VCL: variants seen among roughly 807,000 people sequenced by gnomAD.
VCL encodes the protein epididymis luminal protein 114.
In VCL, 47 loss-of-function variants were observed where a neutral mutation model predicts 125.7. The ratio of observed to expected loss-of-function variants is 0.37; its 90% confidence interval spans 0.30 to 0.48. VCL has a LOEUF of 0.48. Among genes scored for constraint, VCL ranks in the 20% least tolerant of loss-of-function variants. The pLI is 0.99. For synonymous variants in VCL, 458 were observed against 514.6 expected, an observed-to-expected ratio of 0.89 and a Z score of 1.49; for missense variants, 1,069 against 1,455.5, an observed-to-expected ratio of 0.73 and a Z score of 4.32.
intron 2 of VCL, among the ~76,000 whole-genome samples, chr10:74,069,050 TTTTG>T (rs1374865914): frequency 2.0e-5 from 3 of 152,036 alleles, no homozygotes; most frequent in Non-Finnish European, 2.9e-5. Context: ...ATGTTTTTTT[TTTTG>T]TTTGTTTGTT....
chr10:74,023,194 G>T (rs1840705117), intron 1 of VCL, among the ~76,000 whole-genome samples: 1 of 152,176 alleles, frequency 6.6e-6, no homozygotes, highest in African/African-American at 2.4e-5. Flanking sequence ...CATATGTGAT[G>T]ATGGTACCAT....
intron 2 of VCL, among the ~76,000 whole-genome samples, chr10:74,051,966 A>T (rs1841307613): frequency 6.6e-6 from 1 of 152,176 alleles, no homozygotes; most frequent in Non-Finnish European, 1.5e-5. Context: ...GCGTGCCCAG[A>T]GTAGCAGCTC....
intron 2 of VCL, among the ~76,000 whole-genome samples, chr10:74,049,120 A>G (rs1841250728): frequency 6.6e-6 from 1 of 152,050 alleles, no homozygotes; most frequent in South Asian, 2.1e-4. Context: ...AAAACAAACA[A>G]ACAAACAAAC....
At chr10:74,092,011 T>G (rs1839897346) in intron 10 of VCL, among the ~76,000 whole-genome samples, 1 of 151,808 alleles carries the variant, frequency 6.6e-6, no homozygotes, top group Non-Finnish European at 1.5e-5. Context: ...CAAGTTCAAG[T>G]GATTCTCCTG....
chr10:73,998,435 C>T, intron 1 of VCL, 60 bp downstream of exon 1: 2 of 1,306,450 alleles, frequency 1.5e-6, no homozygotes, highest in Non-Finnish European at 9.7e-7. Context: ...GGCCCCGGCC[C>T]GCGTCGCGGC....
At chr10:74,046,447 T>C (rs1224118473) in intron 2 of VCL, among the ~76,000 whole-genome samples, 1 of 152,194 alleles carries the variant, frequency 6.6e-6, no homozygotes, top group East Asian at 1.9e-4. Flanking sequence ...GTCTCCCTGT[T>C]GCCCAGGCTG....
chr10:74,020,840 CAA>C (rs567412270), intron 1 of VCL, among the ~76,000 whole-genome samples: 608 of 66,704 alleles, frequency 9.1e-3, no homozygotes, highest in Admixed American at 0.017. Flanking sequence ...GACCTTGTCT[CAA>C]AAAAAAAAAA....
chr10:74,062,492 A>C (rs1206325926), intron 2 of VCL, among the ~76,000 whole-genome samples: 2 of 150,446 alleles, frequency 1.3e-5, no homozygotes, highest in Non-Finnish European at 2.9e-5. Context: ...CACTGTGCCC[A>C]GCTCAATCTT....
At chr10:74,053,328 A>G (rs929528157) in intron 2 of VCL, among the ~76,000 whole-genome samples, 3 of 152,110 alleles carry the variant, frequency 2.0e-5, no homozygotes, top group Non-Finnish European at 4.4e-5. Context: ...GAAATTACCA[A>G]TTTTATCCAA....
chr10:74,028,443 T>C (rs1040898502), intron 1 of VCL, among the ~76,000 whole-genome samples: 13 of 148,882 alleles, frequency 8.7e-5, no homozygotes, highest in Non-Finnish European at 1.3e-4. Context: ...GTCACCCAGG[T>C]TGGAGTGCAA....
chr10:74,017,920 AG>A, intron 1 of VCL, among the ~76,000 whole-genome samples: 1 of 151,614 alleles, frequency 6.6e-6, no homozygotes, highest in Non-Finnish European at 1.5e-5. Context: ...GCACTTTGGG[AG>A]GCTGAGGCAG....
intron 1 of VCL, among the ~76,000 whole-genome samples, chr10:74,008,847 G>T (rs952697358): frequency 2.6e-5 from 4 of 152,172 alleles, no homozygotes; most frequent in Non-Finnish European, 5.9e-5. Flanking sequence ...TTCTTGATGA[G>T]GAAGGTCCAT....
chr10:74,094,557 G>A, intron 11 of VCL, 96 bp downstream of exon 11: 2 of 1,408,540 alleles, frequency 1.4e-6, no homozygotes, highest in Non-Finnish European at 2.0e-6. Context: ...AATTAGGTAA[G>A]GGTTCTTTAG....
intron 1 of VCL, among the ~76,000 whole-genome samples, chr10:74,027,066 A>T (rs552312309): frequency 6.6e-6 from 1 of 152,228 alleles, no homozygotes; most frequent in African/African-American, 2.4e-5. Flanking sequence ...AGTTCTAGCT[A>T]TAAGCAGAAA....
At chr10:74,072,181 CTG>C (rs1841671689) in intron 4 of VCL, among the ~76,000 whole-genome samples, 1 of 152,172 alleles carries the variant, frequency 6.6e-6, no homozygotes, top group African/African-American at 2.4e-5. Context: ...CTTTCAAACA[CTG>C]TCATCCCTAT....
chr10:74,094,239 G>A (rs750697693), intron 10 of VCL, 32 bp from the exon 11 acceptor site: 14 of 1,613,454 alleles, frequency 8.7e-6, no homozygotes, highest in African/African-American at 1.3e-5. Flanking sequence ...TAGTGTTTAT[G>A]TGTGACAGGA....
intron 7 of VCL, among the ~76,000 whole-genome samples, 153 bp from the exon 8 acceptor site, chr10:74,083,213 C>T (rs2136280759): frequency 6.6e-6 from 1 of 152,312 alleles, no homozygotes; most frequent in Middle Eastern, 3.4e-3. Flanking sequence ...TTTAAGGGCA[C>T]TGCTTGGCTG....
rs903228636 is a variant in VCL at position 74,074,996 on chromosome 10, T to G, written c.783+93T>G. 4 of 1,520,340 alleles carry G rather than the reference T, an allele frequency of 2.6e-6. No homozygotes were observed. The African/African-American group carries it at 4.2e-5, about 16-fold the overall frequency. The allele number at this position is 1,520,340 out of a possible 1,614,324, so 94.2% of individuals were successfully genotyped here. On this transcript the variant is annotated intron_variant, in intron 6 of 21. Coordinates refer to ENST00000211998, the MANE Select transcript of VCL (RefSeq NM_014000.3). Reference sequence around the variant, plus strand: ...CCTGTCTCATACTTTATCTTGTAATTTTTGTAGCATAAGAGTACTCAGATA... The same window carrying G: ...CCTGTCTCATACTTTATCTTGTAATGTTTGTAGCATAAGAGTACTCAGATA...
Position 74,119,962 on chromosome 10 carries a change from C to T in VCL, c.*1793C>T, listed in dbSNP as rs575785254. On this transcript the variant is annotated 3_prime_UTR_variant, in exon 22 of 22. Transcript: ENST00000211998. Reference sequence around the variant, plus strand: ...TGAGACACTGGTTTACACTTTATGCCGGATGTGCTTTTCTCCAATATCAGT... The same window carrying T: ...TGAGACACTGGTTTACACTTTATGCTGGATGTGCTTTTCTCCAATATCAGT... The T allele has an allele frequency of 1.1e-4, 16 of 148,282 alleles. No homozygotes were observed. The highest frequency in any genetic ancestry group is 3.5e-4 in the African/African-American group (14 of 40,186). The allele number at this position is 148,282 out of a possible 1,614,324, so 9.2% of individuals were successfully genotyped here.
Sources: gnomAD v4.1 joint callset for allele counts (sites outside exome capture counted in the v4.1 genomes callset) on GRCh38, gnomAD v4.1.1 for gene constraint, MANE v1.5 for transcripts, NCBI Gene and HGNC (gene_info 2026-07-23, HGNC 2026-07-21) for gene names.